RDX: variants seen among roughly 807,000 people sequenced by gnomAD.
RDX encodes radixin.
In RDX, 32 loss-of-function variants were observed where a neutral mutation model predicts 83.7. The observed-to-expected ratio is 0.38, with a 90% CI of 0.29 to 0.51. RDX has a LOEUF of 0.51. RDX is among the 20% of genes least tolerant of loss of function. The pLI, the probability that RDX is intolerant of heterozygous loss-of-function variation, is 0.87. For synonymous variants in RDX, 229 were observed against 222.7 expected (o/e 1.03, Z -0.25); for missense variants, 600 against 689.9 (o/e 0.87, Z 1.46).
Position 110,264,251 on chromosome 11 carries a change from A to C in RDX, c.193-17T>G. 2 of 1,564,780 alleles carry C rather than the reference A, an allele frequency of 1.3e-6. No homozygotes were observed. Among genetic ancestry groups the C allele is most frequent in the Non-Finnish European group, 1.7e-6 (2 of 1,147,924 alleles). The stretch of plus-strand genomic sequence containing the variant: ...CTGTGTTACCTGGAAAAATAATTTC[A>C]AGTATAATCAACAAAAATCTTAAGT... On this transcript the variant is annotated splice_polypyrimidine_tract_variant and intron_variant, in intron 4 of 13. Coordinates refer to ENST00000645495, the MANE Select transcript of RDX (RefSeq NM_002906.4).
Position 110,233,413 on chromosome 11 carries a change from G to C in RDX, c.1411C>G (p.Pro471Ala), listed in dbSNP as rs138560358. 1.0e-4 allele frequency: 168 copies of C among 1,613,938 alleles called. No homozygotes were observed. Among genetic ancestry groups the C allele is most frequent in the South Asian group, 4.9e-4 (45 of 91,076 alleles). The change falls in exon 13 of 14, where the codon CCT becomes GCT. Residue 471 changes from proline (P) to alanine (A), a missense_variant. By Grantham distance (27) the Pro-to-Ala change is conservative (BLOSUM62 -1). Coordinates refer to ENST00000645495, the MANE Select transcript of RDX (RefSeq NM_002906.4). The stretch of plus-strand genomic sequence containing the variant: ...ATGACTGGTGGTGGTGGAGGTGGAG[G>C]GGGGGCAGACATCACAGTTTTTAAC... ...EELKTVMSAP[P>A]PPPPPPVIPP...
chr11:110,202,868 T>A (rs1236029297), intron 14 of RDX, among the ~76,000 whole-genome samples: 1 of 152,104 alleles, frequency 6.6e-6, no homozygotes, highest in Non-Finnish European at 1.5e-5. Context: ...TTTTATCCTA[T>A]TAAGACAGGT....
At chr11:110,267,567 A>AC (rs1565324982) in intron 3 of RDX, among the ~76,000 whole-genome samples, 16 of 111,054 alleles carry the variant, frequency 1.4e-4, no homozygotes, top group Middle Eastern at 4.8e-3. Context: ...CACACACACA[A>AC]ATAATCTTAA....
At chr11:110,295,832 T>A (rs1456112512) in intron 1 of RDX, among the ~76,000 whole-genome samples, 1 of 152,142 alleles carries the variant, frequency 6.6e-6, no homozygotes, top group East Asian at 1.9e-4. Flanking sequence ...CAGCAGCAGG[T>A]AGAGCTGCGG....
intron 14 of RDX, among the ~76,000 whole-genome samples, chr11:110,209,422 G>T (rs887435245): frequency 6.6e-6 from 1 of 152,032 alleles, no homozygotes; most frequent in Non-Finnish European, 1.5e-5. Context: ...AGGGGCGCCC[G>T]CCATTGCCCA....
downstream of RDX, among the ~76,000 whole-genome samples, chr11:110,228,855 G>A (rs1357963879): frequency 6.6e-6 from 1 of 151,678 alleles, no homozygotes; most frequent in Non-Finnish European, 1.5e-5. Context: ...TTTCTGACAG[G>A]ATCAGAGTAA....
At chr11:110,185,561 T>C (rs1291922677) in intron 15 of RDX, 1 of 152,268 alleles carries the variant, frequency 6.6e-6, no homozygotes, top group African/African-American at 2.4e-5. Context: ...GAGCCCAGCA[T>C]GTGTGTTTTC....
intron 1 of RDX, among the ~76,000 whole-genome samples, chr11:110,283,813 GATAA>G (rs1565334678): frequency 6.6e-6 from 1 of 151,962 alleles, no homozygotes; most frequent in African/African-American, 2.4e-5. Flanking sequence ...AATAAAAACA[GATAA>G]ATATATTTTA....
chr11:110,207,145 T>C (rs1863635576), intron 14 of RDX, among the ~76,000 whole-genome samples: 1 of 152,120 alleles, frequency 6.6e-6, no homozygotes, highest in African/African-American at 2.4e-5. Flanking sequence ...AACTAAGTTT[T>C]GTATTTTTGG....
intron 7 of RDX, 60 bp from the exon 8 acceptor site, chr11:110,255,445 T>C (rs1859504448): frequency 4.4e-6 from 4 of 905,164 alleles, no homozygotes; most frequent in Non-Finnish European, 7.4e-6. Flanking sequence ...AAATTCCTGT[T>C]TAGGACCTAA....
At chr11:110,197,267 G>C (rs1392391911) in intron 15 of RDX, among the ~76,000 whole-genome samples, 1 of 152,150 alleles carries the variant, frequency 6.6e-6, no homozygotes, top group Admixed American at 6.5e-5. Flanking sequence ...CCCTAGTCAC[G>C]AGGAAGATAG....
At chr11:110,290,513 A>G (rs1040753882) in intron 1 of RDX, among the ~76,000 whole-genome samples, 1 of 150,222 alleles carries the variant, frequency 6.7e-6, no homozygotes, top group African/African-American at 2.4e-5. Flanking sequence ...CTCAAAAAGA[A>G]AAAAAAAAAA....
chr11:110,194,087 A>C (rs922966883), intron 15 of RDX, among the ~76,000 whole-genome samples: 2 of 152,204 alleles, frequency 1.3e-5, no homozygotes, highest in Non-Finnish European at 2.9e-5. Flanking sequence ...AGGTTCCCTG[A>C]TATATCTATT....
chr11:110,293,154 C>A (rs1861310948), intron 1 of RDX, among the ~76,000 whole-genome samples: 1 of 152,138 alleles, frequency 6.6e-6, no homozygotes. Flanking sequence ...TACAATATAA[C>A]CCTATTTTAA....
At chr11:110,232,458 T>C (rs1864677686) in intron 13 of RDX, among the ~76,000 whole-genome samples, 3 of 152,106 alleles carry the variant, frequency 2.0e-5, no homozygotes, top group Admixed American at 2.0e-4. Context: ...GATAACTTAT[T>C]GGGAAAAAAG....
chr11:110,267,281 G>A (rs1860087751), intron 3 of RDX, among the ~76,000 whole-genome samples: 1 of 152,116 alleles, frequency 6.6e-6, no homozygotes, highest in African/African-American at 2.4e-5. Flanking sequence ...GGGAGGCCAA[G>A]GCAGCTAGAT....
chr11:110,192,066 C>A (rs1863113293), intron 15 of RDX, among the ~76,000 whole-genome samples: 1 of 152,116 alleles, frequency 6.6e-6, no homozygotes, highest in South Asian at 2.1e-4. Context: ...CAAGAAAGAG[C>A]CCAAATAGCC....
At position 110,253,808 on chromosome 11, in the gene RDX, A is replaced by AT. The variant is rs1326173648; in HGVS notation, c.959+137dup. 5.2e-6 allele frequency: 4 copies of AT among 763,668 alleles called. No homozygotes were observed. In the African/African-American group the frequency reaches 7.0e-5, roughly 13 times the overall value. The allele number at this position is 763,668 out of a possible 1,614,324, so 47.3% of individuals were successfully genotyped here. ...CATACTCGTTTTAAAGGACAGAGTGATAATACTGTCTTTGAATTTTAATAT... is the reference window on the plus strand; with the variant it reads ...CATACTCGTTTTAAAGGACAGAGTGATTAATACTGTCTTTGAATTTTAATAT... On this transcript the variant is annotated intron_variant, in intron 9 of 13. Coordinates refer to ENST00000645495, the MANE Select transcript of RDX (RefSeq NM_002906.4).
At chr11:110,267,991 C>T (rs1860130481) in intron 3 of RDX, among the ~76,000 whole-genome samples, 1 of 151,696 alleles carries the variant, frequency 6.6e-6, no homozygotes, top group Non-Finnish European at 1.5e-5. Flanking sequence ...AAGAAAAAAG[C>T]ATTTAGAAAA....
Sources: allele counts gnomAD v4.1 joint callset (sites outside exome capture counted in the v4.1 genomes callset), GRCh38; gene constraint gnomAD v4.1.1; transcripts MANE v1.5; gene names NCBI Gene and HGNC (gene_info 2026-07-23, HGNC 2026-07-21).